The following MEGF11 variants were observed in gnomAD, a reference collection of about 807,000 sequenced individuals.
MEGF11 encodes multiple EGF like domains 11, also known as multiple epidermal growth factor-like domains protein 11.
MEGF11 carries 126 observed loss-of-function variants against 146.6 expected under a neutral mutation model. That is an observed-to-expected ratio of 0.86 (90% CI 0.74 to 1.00). The LOEUF (loss-of-function observed/expected upper bound fraction) is 1.00. MEGF11 is among the 50% of genes least tolerant of loss of function. The pLI, the probability that MEGF11 is intolerant of heterozygous loss-of-function variation, is 0.00. For synonymous variants in MEGF11, 532 were observed against 583.4 expected, an observed-to-expected ratio of 0.91 and a Z score of 1.27; for missense variants, 1,509 against 1,521.2, an observed-to-expected ratio of 0.99 and a Z score of 0.13.
chr15:66,197,790 C>G (rs2091047280), intron 1 of MEGF11, among the ~76,000 whole-genome samples: 1 of 152,238 alleles, frequency 6.6e-6, no homozygotes. Flanking sequence ...TGTGTCCTAA[C>G]AGGTAGCTTA....
chr15:66,048,745 C>T (rs533970402), intron 5 of MEGF11, among the ~76,000 whole-genome samples: 52 of 152,214 alleles, frequency 3.4e-4, no homozygotes, highest in African/African-American at 9.4e-4. Context: ...AGTGAGTCCA[C>T]AGGGGCCTAA....
chr15:65,975,790 G>T (rs2081425085), intron 7 of MEGF11, among the ~76,000 whole-genome samples: 1 of 152,162 alleles, frequency 6.6e-6, no homozygotes, highest in South Asian at 2.1e-4. Context: ...TTAAACAGGG[G>T]GCACTTAATT....
chr15:66,196,855 C>T (rs2091021397), intron 1 of MEGF11, among the ~76,000 whole-genome samples: 1 of 152,194 alleles, frequency 6.6e-6, no homozygotes, highest in Non-Finnish European at 1.5e-5. Flanking sequence ...ATGCTAAAGA[C>T]AGATGACAGA....
At chr15:66,148,221 T>C (rs2089445498) in intron 1 of MEGF11, among the ~76,000 whole-genome samples, 1 of 151,810 alleles carries the variant, frequency 6.6e-6, no homozygotes, top group Non-Finnish European at 1.5e-5. Context: ...AATGATGTGA[T>C]GTAGGGAAAA....
intron 5 of MEGF11, among the ~76,000 whole-genome samples, chr15:66,005,699 T>C (rs1218736401): frequency 1.3e-5 from 2 of 152,070 alleles, no homozygotes; most frequent in Admixed American, 1.3e-4. Flanking sequence ...ATATCTTAGG[T>C]GGGAAGGATG....
At chr15:66,011,409 G>A (rs894090825) in intron 5 of MEGF11, among the ~76,000 whole-genome samples, 2 of 152,074 alleles carry the variant, frequency 1.3e-5, no homozygotes, top group African/African-American at 2.4e-5. Context: ...CTATAAAAAC[G>A]ACACTGGGAC....
intron 5 of MEGF11, among the ~76,000 whole-genome samples, chr15:66,005,331 C>A (rs2082487220): frequency 3.9e-5 from 6 of 152,156 alleles, no homozygotes; most frequent in Admixed American, 3.3e-4. Flanking sequence ...TGACCCAGAG[C>A]AAATCCCTTA....
chr15:66,211,523 C>CA (rs10709815), intron 1 of MEGF11, among the ~76,000 whole-genome samples: 15 of 91,612 alleles, frequency 1.6e-4, no homozygotes, highest in African/African-American at 3.7e-4. Flanking sequence ...GACTCAGTCT[C>CA]AAAAAAAAAA....
At position 65,916,206 on chromosome 15, in the gene MEGF11, G is replaced by C; in HGVS notation, c.2286C>G (p.Asp762Glu). ...GGCAGGTGCACTTGCCACTGATGTG[G>C]TCACAGCTGGCGCCATTCTGACACT... ...VCQCQNGASC[D>E]HISGKCTCRT... is the part of the protein sequence containing the mutation. The change falls in exon 18 of 26, where the codon GAC becomes GAG. Residue 762 changes from aspartate (D) to glutamate (E), a missense_variant. Physicochemically the swap from Asp to Glu is conservative, Grantham distance 45. Transcript: ENST00000395614. 6.3e-7 allele frequency: 1 copy of C among 1,576,914 alleles called. No individual in the cohort carries two copies. Among genetic ancestry groups the C allele is most frequent in the Non-Finnish European group, 8.6e-7 (1 of 1,161,346 alleles).
At position 65,896,662 on chromosome 15, in the gene MEGF11, T is replaced by A. The variant is rs2078364344; in HGVS notation, c.*1272A>T. The stretch of plus-strand genomic sequence containing the variant: ...CATTTGGACTTATCTGAGCCTCAGT[T>A]TATCTGTGTTCATAGTGGAAGGTAT... On this transcript the variant is annotated 3_prime_UTR_variant, in exon 26 of 26. Transcript: ENST00000395614. 1 of 152,376 alleles carries A rather than the reference T, an allele frequency of 6.6e-6. No homozygotes were observed. The highest frequency in any genetic ancestry group is 1.5e-5 in the Non-Finnish European group (1 of 68,030). 9.4% of individuals were successfully genotyped at this position (152,376 alleles called of 1,614,324 possible).
intron 3 of MEGF11, among the ~76,000 whole-genome samples, chr15:66,121,822 T>C (rs1386843583): frequency 6.6e-6 from 1 of 152,220 alleles, no homozygotes; most frequent in Non-Finnish European, 1.5e-5. Flanking sequence ...CTTTCAGAGT[T>C]TGGAATTTGT....
chr15:65,992,651 T>C (rs1157255697), intron 5 of MEGF11, among the ~76,000 whole-genome samples: 3 of 146,504 alleles, frequency 2.0e-5, no homozygotes, highest in Admixed American at 1.4e-4. Flanking sequence ...TCAGGGACTT[T>C]ATCGGGGACT....
intron 1 of MEGF11, among the ~76,000 whole-genome samples, chr15:66,208,563 G>A (rs186853164): frequency 1.3e-5 from 2 of 152,118 alleles, no homozygotes; most frequent in African/African-American, 2.4e-5. Context: ...GGACAGGAGA[G>A]GATGAGATTG....
chr15:66,122,365 A>C (rs1325152220), intron 3 of MEGF11, among the ~76,000 whole-genome samples: 6 of 152,210 alleles, frequency 3.9e-5, no homozygotes, highest in Non-Finnish European at 7.3e-5. Flanking sequence ...TTAAAGCAGC[A>C]AGCATAGCTC....
At chr15:66,139,816 G>T (rs1317326041) in intron 1 of MEGF11, among the ~76,000 whole-genome samples, 1 of 152,168 alleles carries the variant, frequency 6.6e-6, no homozygotes, top group Non-Finnish European at 1.5e-5. Flanking sequence ...GAAGAATGCC[G>T]ACCAAGGCAT....
chr15:65,990,716 A>G (rs113956618), intron 5 of MEGF11, among the ~76,000 whole-genome samples: 469 of 11,758 alleles, frequency 0.04, 1 homozygote, highest in Non-Finnish European at 0.25. Context: ...AGGAAGGAAG[A>G]AAGAAAGAAA....
chr15:65,983,555 C>G (rs1312291248), intron 5 of MEGF11, among the ~76,000 whole-genome samples: 2 of 152,156 alleles, frequency 1.3e-5, no homozygotes, highest in Non-Finnish European at 1.5e-5. Flanking sequence ...TTGCTCCCAG[C>G]TAAGGAGACC....
chr15:65,935,444 G>T (rs1360086830), intron 10 of MEGF11, among the ~76,000 whole-genome samples: 2 of 150,872 alleles, frequency 1.3e-5, no homozygotes, highest in Non-Finnish European at 2.9e-5. Context: ...CCACCTGTGG[G>T]ATCTGACGCT....
intron 1 of MEGF11, among the ~76,000 whole-genome samples, chr15:66,203,698 A>G (rs16949681): frequency 0.16 from 25,107 of 152,284 alleles, 2,231 homozygotes; most frequent in Non-Finnish European, 0.2. Context: ...TTCAAAGGTC[A>G]GAAACCAACC....
Sources: allele counts gnomAD v4.1 joint callset (sites outside exome capture counted in the v4.1 genomes callset), GRCh38; gene constraint gnomAD v4.1.1; transcripts MANE v1.5; gene names NCBI Gene and HGNC (gene_info 2026-07-23, HGNC 2026-07-21).